GLRA1: variants seen among roughly 807,000 people sequenced by gnomAD.
GLRA1 encodes the protein glycine receptor alpha 1.
In GLRA1, 37 loss-of-function variants were observed where a neutral mutation model predicts 48.3. The observed-to-expected ratio is 0.77, with a 90% CI of 0.59 to 1.01. The LOEUF is 1.01. Among genes scored for constraint, GLRA1 ranks in the 50% least tolerant of loss-of-function variants. The pLI is 0.00. For synonymous variants in GLRA1, 196 were observed against 210.7 expected (o/e 0.93, Z 0.60); for missense variants, 427 against 571.0 (o/e 0.75, Z 2.57).
intron 6 of GLRA1, among the ~76,000 whole-genome samples, chr5:151,851,890 C>A (rs1752923278): frequency 6.6e-6 from 1 of 152,078 alleles, no homozygotes; most frequent in South Asian, 2.1e-4. Context: ...TCAGAATTGT[C>A]AATTGCCAAC....
Position 151,850,493 on chromosome 5 carries a change from C to T in GLRA1, c.912+897G>A, listed in dbSNP as rs1752870757. Reference sequence around the variant, plus strand: ...ATGGTCTGAAGTACACTGAGGAGGCCATCGAGAAACTAAGCAGTGGCACCA... The same window carrying T: ...ATGGTCTGAAGTACACTGAGGAGGCTATCGAGAAACTAAGCAGTGGCACCA... On this transcript the variant is annotated intron_variant, in intron 7 of 8. Coordinates refer to ENST00000274576, the MANE Select transcript of GLRA1 (RefSeq NM_000171.4). 3.0e-6 allele frequency: 3 copies of T among 1,014,480 alleles called. No homozygotes were observed. In the African/African-American group the frequency reaches 4.7e-5, roughly 16 times the overall value. The allele number at this position is 1,014,480 out of a possible 1,614,324, so 62.8% of individuals were successfully genotyped here.
intron 1 of GLRA1, among the ~76,000 whole-genome samples, chr5:151,917,351 A>G (rs1052225601): frequency 2.6e-4 from 39 of 152,204 alleles, no homozygotes; most frequent in African/African-American, 9.2e-4. Flanking sequence ...TCTTGTTGAC[A>G]TTATGGGTTT....
intron 7 of GLRA1, among the ~76,000 whole-genome samples, chr5:151,835,027 C>CAAAAAAAAAAAAAA (rs60718344): frequency 5.7e-5 from 3 of 52,536 alleles, no homozygotes; most frequent in African/African-American, 1.6e-4. Flanking sequence ...GACAACATCT[C>CAAAAAAAAAAAAAA]AAAAAAAAAA....
intron 1 of GLRA1, among the ~76,000 whole-genome samples, chr5:151,914,993 G>A (rs1256333779): frequency 6.6e-6 from 1 of 152,194 alleles, no homozygotes; most frequent in East Asian, 1.9e-4. Flanking sequence ...GGTGAAAGGA[G>A]TGTTTTCTAT....
At chr5:151,898,336 C>A (rs542800460) in intron 1 of GLRA1, among the ~76,000 whole-genome samples, 1 of 152,138 alleles carries the variant, frequency 6.6e-6, no homozygotes, top group East Asian at 1.9e-4. Flanking sequence ...AAGGGGCCAA[C>A]CTGTTTCTCA....
At chr5:151,918,675 G>A (rs1422484599) in intron 1 of GLRA1, among the ~76,000 whole-genome samples, 1 of 152,182 alleles carries the variant, frequency 6.6e-6, no homozygotes, top group Non-Finnish European at 1.5e-5. Flanking sequence ...TCTCTGACTT[G>A]CATTTCATTC....
chr5:151,859,582 G>T (rs1462227837), intron 4 of GLRA1, among the ~76,000 whole-genome samples: 2 of 152,100 alleles, frequency 1.3e-5, no homozygotes, highest in East Asian at 3.8e-4. Context: ...TAAATCATTG[G>T]CTCCTGAATA....
chr5:151,833,349 A>G (rs1380748099), intron 7 of GLRA1, among the ~76,000 whole-genome samples: 1 of 152,208 alleles, frequency 6.6e-6, no homozygotes, highest in African/African-American at 2.4e-5. Context: ...AAAGACACAG[A>G]CTGGCAAATT....
chr5:151,897,946 T>C (rs143045894), intron 1 of GLRA1, among the ~76,000 whole-genome samples: 3 of 152,320 alleles, frequency 2.0e-5, no homozygotes, highest in African/African-American at 7.2e-5. Flanking sequence ...CACCTTTTGG[T>C]CAGGGGATTT....
chr5:151,913,456 A>G (rs1457073675), intron 1 of GLRA1, among the ~76,000 whole-genome samples: 2 of 152,164 alleles, frequency 1.3e-5, no homozygotes, highest in Non-Finnish European at 2.9e-5. Context: ...TTTGGGTTGG[A>G]ATTCAGTTTG....
intron 3 of GLRA1, among the ~76,000 whole-genome samples, chr5:151,862,723 A>G (rs781327926): frequency 1.3e-5 from 2 of 152,230 alleles, no homozygotes; most frequent in Non-Finnish European, 2.9e-5. Flanking sequence ...GTGCATCTCA[A>G]GAAGGGAATA....
At position 151,859,845 on chromosome 5, in the gene GLRA1, AT is replaced by A; in HGVS notation, c.415del (p.Ile139SerfsTer8). 1.2e-6 allele frequency: 2 copies of A among 1,614,052 alleles called. No homozygotes were observed. The highest frequency in any genetic ancestry group is 1.7e-6 in the Non-Finnish European group (2 of 1,180,008). On this transcript the variant is annotated frameshift_variant, in exon 4 of 9. Transcript: ENST00000274576. LOFTEE classifies it high-confidence loss of function. The part of the protein sequence containing the change: ...ANEKGAHFHE[I>X]TTDNKLLRIS... ...CCTTAGCAATTTGTTGTCTGTGGTG[AT>A]CTCATGGAAGTGGGCCCCCTTCTCG... is the stretch of plus-strand genomic sequence containing the variant.
chr5:151,828,468 C>T (rs914670172), intron 8 of GLRA1, among the ~76,000 whole-genome samples: 4 of 152,188 alleles, frequency 2.6e-5, no homozygotes, highest in African/African-American at 9.7e-5. Flanking sequence ...CTTGTTGCCT[C>T]TTTCCTAGAG....
At position 151,904,946 on chromosome 5, in the gene GLRA1, A is replaced by G. The variant is rs576580247; in HGVS notation, c.57-12508T>C. 1.7e-4 allele frequency among the ~76,000 whole-genome samples: 26 copies of G among 152,332 alleles called. No individual in the cohort carries two copies. The East Asian group carries it at 4.8e-3, about 28-fold the overall frequency. On this transcript the variant is annotated intron_variant, in intron 1 of 8. Coordinates refer to ENST00000274576, the MANE Select transcript of GLRA1 (RefSeq NM_000171.4). Reference sequence around the variant, plus strand: ...CACTCTGACCCTAGAAGAGTACCACAGCAATCTCAGGTAGTTCTACTATGC... The same window carrying G: ...CACTCTGACCCTAGAAGAGTACCACGGCAATCTCAGGTAGTTCTACTATGC...
intron 1 of GLRA1, among the ~76,000 whole-genome samples, chr5:151,924,200 A>G (rs1259868008): frequency 1.3e-5 from 2 of 151,788 alleles, no homozygotes; most frequent in African/African-American, 2.4e-5. Context: ...GGGGACCAAT[A>G]GTGGGGGGTG....
chr5:151,889,303 T>C (rs1209211752), intron 2 of GLRA1, among the ~76,000 whole-genome samples: 9 of 152,264 alleles, frequency 5.9e-5, no homozygotes, highest in East Asian at 1.9e-4. Flanking sequence ...TGTATTTGCA[T>C]TGGGCTGTGC....
intron 3 of GLRA1, among the ~76,000 whole-genome samples, chr5:151,886,356 C>G (rs1753905438): frequency 6.6e-6 from 1 of 152,000 alleles, no homozygotes; most frequent in African/African-American, 2.4e-5. Context: ...CCCAATATAC[C>G]CATTTCAGCT....
chr5:151,822,824 G>A lies in GLRA1; in HGVS notation c.1199C>T (p.Ser400Phe), dbSNP rs780710712. The part of the protein sequence containing the change: ...TTNPPPAPSK[S>F]PEEMRKLFIQ... ...GAAGAGTTTTCGCATCTCCTCTGGG[G>A]ACTTAGATGGTGCAGGAGGGGGGTT... Residue 400 changes from serine (S) to phenylalanine (F), a missense_variant, in exon 9 of 9, where the codon TCC becomes TTC. Ser to Phe is a radical substitution (Grantham distance 155). This residue lies in a region of GLRA1 where 121 missense variants were observed against 96.5 expected (regional missense o/e 1.25). Transcript: ENST00000274576. 2.0e-5 allele frequency: 32 copies of A among 1,614,134 alleles called. No individual in the cohort carries two copies. The East Asian group carries it at 2.9e-4, about 15-fold the overall frequency.
At chr5:151,881,492 A>ATTTTTTTTTTTTTTTTT in intron 3 of GLRA1, among the ~76,000 whole-genome samples, 1 of 116,858 alleles carries the variant, frequency 8.6e-6, no homozygotes, top group Non-Finnish European at 1.7e-5. Flanking sequence ...ATGCCCTGCA[A>ATTTTTTTTTTTTTTTTT]TTTTTTTTTT....
Sources: allele counts gnomAD v4.1 joint callset (sites outside exome capture counted in the v4.1 genomes callset), GRCh38; gene constraint gnomAD v4.1.1; regional missense constraint gnomAD v4.1.1; transcripts MANE v1.5; gene names NCBI Gene and HGNC (gene_info 2026-07-23, HGNC 2026-07-21).